The following MDGA2 variants were observed in gnomAD, a reference collection of about 807,000 sequenced individuals.
MDGA2 encodes MAM domain-containing glycosylphosphatidylinositol anchor protein 2.
MDGA2 carries 40 observed loss-of-function variants against 117.8 expected under a neutral mutation model. The ratio of observed to expected loss-of-function variants is 0.34; its 90% CI spans 0.26 to 0.44. The LOEUF (loss-of-function observed/expected upper bound fraction) is 0.44, where lower values mean the gene tolerates loss of function less well. Among genes scored for constraint, MDGA2 ranks in the 20% least tolerant of loss-of-function variants. The pLI, the probability that MDGA2 is intolerant of heterozygous loss-of-function variation, is 1.00. For synonymous variants in MDGA2, 452 were observed against 439.0 expected, an observed-to-expected ratio of 1.03 and a Z score of -0.37; for missense variants, 1,123 against 1,250.6, an observed-to-expected ratio of 0.90 and a Z score of 1.54.
intron 1 of MDGA2, among the ~76,000 whole-genome samples, chr14:47,515,277 C>A (rs1256644485): frequency 6.6e-6 from 1 of 152,148 alleles, no homozygotes; most frequent in African/African-American, 2.4e-5. Flanking sequence ...CTTCCCCTGG[C>A]AACATCACAG....
In MDGA2 at chr14:47,489,283, A is replaced by C. The variant is rs560946119; in HGVS notation, c.280+185234T>G. On this transcript the variant is annotated intron_variant, in intron 1 of 16. Transcript: ENST00000399232. ...AAATGTTTTTCTCTCCAAATTTATA[A>C]ATGAAATTCATTAAGTTATGGTTGT... 2.6e-5 allele frequency among the ~76,000 whole-genome samples: 4 copies of C among 152,236 alleles called. No individual in the cohort carries two copies. The South Asian group carries it at 8.3e-4, about 32-fold the overall frequency.
At chr14:47,018,052 C>T (rs1474499974) in intron 8 of MDGA2, among the ~76,000 whole-genome samples, 1 of 152,068 alleles carries the variant, frequency 6.6e-6, no homozygotes, top group East Asian at 1.9e-4. Context: ...TATACTCACA[C>T]ACTATAAAGA....
intron 8 of MDGA2, among the ~76,000 whole-genome samples, chr14:47,003,476 G>GT: frequency 6.6e-6 from 1 of 152,056 alleles, no homozygotes; most frequent in East Asian, 1.9e-4. Flanking sequence ...CCAGGACTTA[G>GT]TATGGCTAGT....
At chr14:47,254,761 G>C (rs1887562092) in intron 2 of MDGA2, among the ~76,000 whole-genome samples, 1 of 152,140 alleles carries the variant, frequency 6.6e-6, no homozygotes, top group Non-Finnish European at 1.5e-5. Context: ...CCAATTTACT[G>C]TATTAGTCCA....
intron 1 of MDGA2, among the ~76,000 whole-genome samples, chr14:47,439,313 T>C (rs1177070133): frequency 6.6e-6 from 1 of 152,114 alleles, no homozygotes; most frequent in Non-Finnish European, 1.5e-5. Context: ...ATGTAAGATA[T>C]GTTTTGTGCC....
chr14:47,257,271 A>G (rs1185302809), intron 2 of MDGA2, among the ~76,000 whole-genome samples: 2 of 152,022 alleles, frequency 1.3e-5, no homozygotes, highest in East Asian at 1.9e-4. Flanking sequence ...TCCTCTCACA[A>G]TGACATTTTC....
intron 5 of MDGA2, among the ~76,000 whole-genome samples, chr14:47,128,796 G>A (rs574464826): frequency 1.3e-5 from 2 of 149,830 alleles, no homozygotes; most frequent in South Asian, 2.1e-4. Context: ...CTGAGTTCAC[G>A]CCATTTTCCT....
At chr14:47,480,754 C>A (rs1318115847) in intron 1 of MDGA2, among the ~76,000 whole-genome samples, 2 of 151,654 alleles carry the variant, frequency 1.3e-5, no homozygotes, top group Admixed American at 6.6e-5. Flanking sequence ...GAAGATTCAG[C>A]AAAATATTTT....
chr14:46,883,525 G>GA (rs764697136), intron 10 of MDGA2, among the ~76,000 whole-genome samples: 2 of 151,934 alleles, frequency 1.3e-5, no homozygotes, highest in Non-Finnish European at 2.9e-5. Context: ...AATTACAAGT[G>GA]AGAATGCTCA....
At chr14:47,314,617 G>T (rs929513706) in intron 1 of MDGA2, among the ~76,000 whole-genome samples, 1 of 151,878 alleles carries the variant, frequency 6.6e-6, no homozygotes, top group Non-Finnish European at 1.5e-5. Flanking sequence ...GGTCGAGGCA[G>T]CAGTGAGCTA....
intron 8 of MDGA2, among the ~76,000 whole-genome samples, chr14:46,993,587 G>A (rs1887176592): frequency 6.6e-6 from 1 of 151,550 alleles, no homozygotes. Flanking sequence ...TCAGCCTCCC[G>A]AGTATCTGGG....
chr14:47,549,407 C>T (rs902834848), intron 1 of MDGA2, among the ~76,000 whole-genome samples: 2 of 140,996 alleles, frequency 1.4e-5, no homozygotes, highest in African/African-American at 5.2e-5. Context: ...CTTTTTCCAC[C>T]ATTCCAGTGT....
intron 2 of MDGA2, among the ~76,000 whole-genome samples, chr14:47,243,485 C>T (rs1208369809): frequency 6.6e-6 from 1 of 151,650 alleles, no homozygotes; most frequent in Non-Finnish European, 1.5e-5. Context: ...TGGGTCCACG[C>T]TGCTTTTATG....
chr14:47,078,600 A>G (rs12433365), intron 6 of MDGA2, among the ~76,000 whole-genome samples: 30,430 of 152,110 alleles, frequency 0.2, 3,094 homozygotes, highest in Admixed American at 0.29. Flanking sequence ...AATTTGGGGG[A>G]AAATTATTAA....
intron 14 of MDGA2, among the ~76,000 whole-genome samples, chr14:46,861,335 T>TA (rs1881499245): frequency 1.3e-5 from 2 of 151,906 alleles, no homozygotes; most frequent in African/African-American, 4.8e-5. Flanking sequence ...AATTATAGGG[T>TA]ATCGTGCCAG....
intron 1 of MDGA2, chr14:47,343,070 G>A (rs770060735): frequency 3.1e-6 from 4 of 1,280,530 alleles, no homozygotes; most frequent in Non-Finnish European, 4.1e-6. Flanking sequence ...GATCCCAAGG[G>A]ATTCATACTT....
chr14:47,065,985 T>C (rs931866787), intron 6 of MDGA2, among the ~76,000 whole-genome samples: 2 of 152,208 alleles, frequency 1.3e-5, no homozygotes, highest in Non-Finnish European at 2.9e-5. Flanking sequence ...ATCAATTTCC[T>C]ATTTATTCTT....
intron 9 of MDGA2, among the ~76,000 whole-genome samples, chr14:46,935,967 A>G (rs1448219202): frequency 6.6e-6 from 1 of 151,180 alleles, no homozygotes; most frequent in African/African-American, 2.4e-5. Flanking sequence ...TTTAAATTTA[A>G]TTCATTTTAA....
In MDGA2 at chr14:47,313,641, T is replaced by C. The variant is rs78084255; in HGVS notation, c.281-12091A>G. On this transcript the variant is annotated intron_variant, in intron 1 of 16. Coordinates refer to ENST00000399232, the MANE Select transcript of MDGA2 (RefSeq NM_001113498.3). The stretch of plus-strand genomic sequence containing the variant: ...CAAGTGGTCTATACATGTTCAATGT[T>C]GTTCTATCTAAATTATTTTAAAAGA... Among the ~76,000 whole-genome samples, 52 of 152,284 alleles carry C rather than the reference T, an allele frequency of 3.4e-4. No homozygotes were observed. The East Asian group carries it at 8.5e-3, about 25-fold the overall frequency.
Sources: gnomAD v4.1 joint callset for allele counts (sites outside exome capture counted in the v4.1 genomes callset) on GRCh38, gnomAD v4.1.1 for gene constraint, MANE v1.5 for transcripts, NCBI Gene and HGNC (gene_info 2026-07-23, HGNC 2026-07-21) for gene names.